The following ABLIM1 variants were observed in gnomAD, a reference collection of about 807,000 sequenced individuals.
The protein encoded by ABLIM1 is actin-binding LIM protein 1.
In ABLIM1, 40 loss-of-function variants were observed where a neutral mutation model predicts 107.0. The observed-to-expected ratio is 0.37, with a 90% CI of 0.29 to 0.49. The LOEUF (loss-of-function observed/expected upper bound fraction) is 0.49, where lower values mean the gene tolerates loss of function less well. Ranked by LOEUF, ABLIM1 falls within the 20% of genes least tolerant of loss-of-function variation. The pLI is 0.97. For missense variants in ABLIM1, 857 were observed against 1,008.5 expected, an observed-to-expected ratio of 0.85 and a Z score of 2.04; for synonymous variants, 357 against 357.3, an observed-to-expected ratio of 1.00 and a Z score of 0.01.
the ABLIM1 span, among the ~76,000 whole-genome samples, chr10:114,776,612 C>CA: frequency 7.1e-4 from 106 of 148,578 alleles, 1 homozygote; most frequent in South Asian, 7.2e-3. Context: ...GACTTAGTCT[C>CA]AAAAAAAAAA....
At chr10:114,576,392 G>C (rs943948326) in intron 2 of ABLIM1, among the ~76,000 whole-genome samples, 1 of 152,166 alleles carries the variant, frequency 6.6e-6, no homozygotes, top group African/African-American at 2.4e-5. Flanking sequence ...CTGCCAAATG[G>C]CTGAGAAGCA....
At chr10:114,553,014 A>C (rs1210633996) in intron 4 of ABLIM1, among the ~76,000 whole-genome samples, 2 of 152,228 alleles carry the variant, frequency 1.3e-5, no homozygotes, top group Admixed American at 1.3e-4. Flanking sequence ...GAAAGTTAAG[A>C]GAGAAGTCAT....
intron 1 of ABLIM1, among the ~76,000 whole-genome samples, chr10:114,750,409 A>G (rs2082485649): frequency 6.6e-6 from 1 of 151,744 alleles, no homozygotes; most frequent in Admixed American, 6.6e-5. Flanking sequence ...TAGTTTAAGC[A>G]GAATACAAAA....
chr10:114,785,689 T>C, the ABLIM1 span, among the ~76,000 whole-genome samples: 1 of 152,292 alleles, frequency 6.6e-6, no homozygotes, highest in South Asian at 2.1e-4. Context: ...TGAGTGAATA[T>C]AAAATCTCAT....
chr10:114,481,649 C>G (rs1423895513), intron 8 of ABLIM1, among the ~76,000 whole-genome samples: 2 of 152,208 alleles, frequency 1.3e-5, no homozygotes, highest in East Asian at 3.8e-4. Flanking sequence ...CAGGAGGGTG[C>G]TGTGCGCACA....
chr10:114,746,972 A>G (rs1164100590), intron 1 of ABLIM1, among the ~76,000 whole-genome samples: 1 of 152,212 alleles, frequency 6.6e-6, no homozygotes, highest in African/African-American at 2.4e-5. Context: ...AAGGGTATTA[A>G]TAAACCCTTA....
At position 114,538,695 on chromosome 10, in the gene ABLIM1, T is replaced by C. The variant is rs79178894; in HGVS notation, c.894+6310A>G. The stretch of plus-strand genomic sequence containing the variant: ...TCTCCCTCTGTGGTCAGAATGCACA[T>C]AAGACAACTTTCCTTTCAGGGAGGA... On this transcript the variant is annotated intron_variant, in intron 6 of 22. Coordinates refer to ENST00000533213, the MANE Select transcript of ABLIM1 (RefSeq NM_002313.7). Among the ~76,000 whole-genome samples the C allele has an allele frequency of 2.6e-5, 4 of 152,326 alleles. No homozygotes were observed. In the South Asian group the frequency reaches 8.3e-4, roughly 32 times the overall value.
intron 7 of ABLIM1, among the ~76,000 whole-genome samples, chr10:114,491,012 G>GTGTATATATATATATATATATATATATA: frequency 1.1e-5 from 1 of 92,388 alleles, no homozygotes; most frequent in African/African-American, 4.6e-5. Flanking sequence ...GTGTGTGTGT[G>GTGTATATATATATATATATATATATATA]TATATATATA....
intron 1 of ABLIM1, among the ~76,000 whole-genome samples, chr10:114,669,569 G>T (rs2080165605): frequency 6.6e-6 from 1 of 152,192 alleles, no homozygotes; most frequent in Admixed American, 6.5e-5. Flanking sequence ...CTGCATCAAG[G>T]CAATTCAATC....
chr10:114,490,326 A>C (rs2058745429), intron 7 of ABLIM1, among the ~76,000 whole-genome samples: 1 of 152,200 alleles, frequency 6.6e-6, no homozygotes, highest in African/African-American at 2.4e-5. Context: ...GCCAAAAAGA[A>C]GTTTGGGTTG....
chr10:114,713,768 A>T (rs1381811926), intron 1 of ABLIM1, among the ~76,000 whole-genome samples: 1 of 152,238 alleles, frequency 6.6e-6, no homozygotes, highest in African/African-American at 2.4e-5. Flanking sequence ...AATAATAAAA[A>T]CAGTGAGGAA....
At position 114,663,729 on chromosome 10, in the gene ABLIM1, A is replaced by G. The variant is rs148167151; in HGVS notation, c.64+20561T>C. 5.2e-3 allele frequency among the ~76,000 whole-genome samples: 796 copies of G among 152,376 alleles called. 10 individuals carry two copies. The highest frequency in any genetic ancestry group is 0.031 in the South Asian group (148 of 4,834). Reference sequence around the variant, plus strand: ...CGAGAGGCCCTGGCCAGCTGTGGACATAGGAAGCTGTCCCAGTGGTTGGTA... The same window carrying G: ...CGAGAGGCCCTGGCCAGCTGTGGACGTAGGAAGCTGTCCCAGTGGTTGGTA... On this transcript the variant is annotated intron_variant, in intron 1 of 23. Coordinates refer to the ABLIM1 transcript ENST00000369256.
intron 1 of ABLIM1, among the ~76,000 whole-genome samples, chr10:114,716,518 T>C (rs1363151622): frequency 6.6e-6 from 1 of 152,188 alleles, no homozygotes; most frequent in Non-Finnish European, 1.5e-5. Flanking sequence ...ATTTGTCTTA[T>C]GTGGGGACCA....
chr10:114,580,488 T>C (rs560282316), intron 2 of ABLIM1, among the ~76,000 whole-genome samples: 1 of 152,254 alleles, frequency 6.6e-6, no homozygotes, highest in Admixed American at 6.5e-5. Context: ...GTTGGGAATA[T>C]AGGCATGAAC....
At chr10:114,559,475 A>C (rs560411251) in intron 4 of ABLIM1, among the ~76,000 whole-genome samples, 1 of 148,584 alleles carries the variant, frequency 6.7e-6, no homozygotes, top group African/African-American at 2.5e-5. Context: ...AAGAAAGAAA[A>C]AAAGAAAAAA....
Position 114,435,509 on chromosome 10 carries a change from C to T in ABLIM1, c.*751G>A, listed in dbSNP as rs2059287433. On this transcript the variant is annotated 3_prime_UTR_variant, in exon 23 of 23. Transcript: ENST00000533213. ...TCCTGTCCTAGGCGGGGAGCAGGAA[C>T]CAGACCTGCTATGGGAAGCAGAAAG... 6.6e-6 allele frequency: 1 copy of T among 152,180 alleles called. No homozygotes were observed. The highest frequency in any genetic ancestry group is 1.5e-5 in the Non-Finnish European group (1 of 68,050). 9.4% of individuals were successfully genotyped at this position (152,180 alleles called of 1,614,324 possible).
intron 1 of ABLIM1, among the ~76,000 whole-genome samples, chr10:114,749,195 GC>G (rs1310455651): frequency 2.6e-5 from 4 of 152,076 alleles, no homozygotes; most frequent in Admixed American, 2.6e-4. Flanking sequence ...TCACTTCGCA[GC>G]TTTTCCTTTC....
chr10:114,785,732 TTTTG>T, the ABLIM1 span, among the ~76,000 whole-genome samples: 2 of 152,164 alleles, frequency 1.3e-5, no homozygotes, highest in African/African-American at 4.8e-5. Context: ...TGTTTGTTTG[TTTTG>T]TTTTTGTTTT....
intron 1 of ABLIM1, among the ~76,000 whole-genome samples, chr10:114,611,613 C>T (rs1303668398): frequency 6.6e-6 from 1 of 152,222 alleles, no homozygotes; most frequent in Non-Finnish European, 1.5e-5. Flanking sequence ...GAAACAGCTT[C>T]TGCTCAAATC....
Sources: allele counts gnomAD v4.1 joint callset (sites outside exome capture counted in the v4.1 genomes callset), GRCh38; gene constraint gnomAD v4.1.1; transcripts MANE v1.5; gene names NCBI Gene and HGNC (gene_info 2026-07-23, HGNC 2026-07-21).